The following GPC5 variants were observed in gnomAD, a reference collection of about 807,000 sequenced individuals.
GPC5 encodes the protein glypican-5.
GPC5 carries 47 observed loss-of-function variants against 53.9 expected under a neutral mutation model. The ratio of observed to expected loss-of-function variants is 0.87; its 90% CI spans 0.69 to 1.11. The LOEUF is 1.11. Ranked by LOEUF, GPC5 falls within the 50% of genes most tolerant of loss-of-function variation. GPC5 has a pLI of 0.00. For synonymous variants in GPC5, 286 were observed against 263.3 expected, an observed-to-expected ratio of 1.09 and a Z score of -0.84; for missense variants, 748 against 713.1, an observed-to-expected ratio of 1.05 and a Z score of -0.56.
Position 91,933,135 on chromosome 13 carries a change from G to A in GPC5, c.1401+25078G>A, listed in dbSNP as rs150752624. The stretch of plus-strand genomic sequence containing the variant: ...CTTTCAGAAATTCCTCATTATCAAC[G>A]GTCAAATCCAGATGGATTTTCTTTG... On this transcript the variant is annotated intron_variant, in intron 6 of 7. Coordinates refer to ENST00000377067, the MANE Select transcript of GPC5 (RefSeq NM_004466.6). Among the ~76,000 whole-genome samples the A allele has an allele frequency of 2.6e-3, 395 of 151,836 alleles. 1 individual carries two copies. Among genetic ancestry groups the A allele is most frequent in the African/African-American group, 9.1e-3 (375 of 41,428 alleles).
intron 7 of GPC5, among the ~76,000 whole-genome samples, chr13:92,642,729 T>G (rs538835797): frequency 6.6e-6 from 1 of 152,184 alleles, no homozygotes; most frequent in South Asian, 2.1e-4. Context: ...TGTAGAGCAG[T>G]GGGAGAAATA....
intron 7 of GPC5, among the ~76,000 whole-genome samples, chr13:92,788,219 T>C (rs528769764): frequency 2.0e-5 from 3 of 152,188 alleles, no homozygotes; most frequent in Non-Finnish European, 4.4e-5. Context: ...AATAGGAACA[T>C]GTCCATGTAT....
intron 7 of GPC5, among the ~76,000 whole-genome samples, chr13:92,664,521 G>T (rs539721020): frequency 2.0e-5 from 3 of 151,980 alleles, no homozygotes; most frequent in Admixed American, 2.0e-4. Flanking sequence ...AAATCATAGC[G>T]TATAGACAAC....
chr13:92,357,744 G>A (rs550929569), intron 7 of GPC5, among the ~76,000 whole-genome samples: 3 of 151,572 alleles, frequency 2.0e-5, no homozygotes, highest in African/African-American at 7.3e-5. Context: ...AGAGAGGAGA[G>A]GTGCTACCCA....
intron 2 of GPC5, among the ~76,000 whole-genome samples, chr13:91,615,748 C>T (rs1676850235): frequency 6.6e-6 from 1 of 152,122 alleles, no homozygotes; most frequent in African/African-American, 2.4e-5. Flanking sequence ...TGTCATTTCC[C>T]CTTTACTCAA....
intron 2 of GPC5, among the ~76,000 whole-genome samples, chr13:91,635,239 T>A (rs2034258254): frequency 6.6e-6 from 1 of 152,122 alleles, no homozygotes; most frequent in Non-Finnish European, 1.5e-5. Flanking sequence ...AGAAGCCTAA[T>A]ATAAACTCAT....
intron 5 of GPC5, among the ~76,000 whole-genome samples, chr13:91,861,772 T>C (rs1451103610): frequency 9.6e-6 from 1 of 103,910 alleles, no homozygotes; most frequent in Non-Finnish European, 2.2e-5. Context: ...TTCTCTTATT[T>C]TTGTTTAATT....
intron 5 of GPC5, among the ~76,000 whole-genome samples, chr13:91,816,220 C>T (rs773227133): frequency 1.3e-5 from 2 of 152,146 alleles, no homozygotes; most frequent in East Asian, 1.9e-4. Flanking sequence ...GTAAGCTCTT[C>T]GTGTGCAAGT....
intron 7 of GPC5, among the ~76,000 whole-genome samples, chr13:92,271,522 A>G (rs561635870): frequency 1.3e-5 from 2 of 152,336 alleles, no homozygotes; most frequent in East Asian, 3.9e-4. Flanking sequence ...GAGATTGGTG[A>G]CAAAGAATAC....
intron 2 of GPC5, among the ~76,000 whole-genome samples, chr13:91,594,224 A>C (rs1167377520): frequency 6.6e-6 from 1 of 152,196 alleles, no homozygotes; most frequent in East Asian, 1.9e-4. Flanking sequence ...GAGTATGATT[A>C]GTTTCTATGA....
rs189215853 is a variant in GPC5, at chr13:92,674,188, A to G, written c.1562-192094A>G. ...AGGAAAAGCTGACATTCTAACCTGG[A>G]GCTGCACATTCAAGCTTTGACACGT... On this transcript the variant is annotated intron_variant, in intron 7 of 7. Coordinates refer to ENST00000377067, the MANE Select transcript of GPC5 (RefSeq NM_004466.6). Among the ~76,000 whole-genome samples the G allele has an allele frequency of 4.6e-4, 70 of 152,242 alleles. 1 individual carries two copies. In the East Asian group the frequency reaches 0.013, roughly 28 times the overall value.
At chr13:91,930,577 T>A (rs1200404259) in intron 6 of GPC5, among the ~76,000 whole-genome samples, 1 of 152,034 alleles carries the variant, frequency 6.6e-6, no homozygotes, top group African/African-American at 2.4e-5. Context: ...TATTCAGCCT[T>A]TTTTGTCCTA....
intron 4 of GPC5, among the ~76,000 whole-genome samples, chr13:91,734,159 G>A (rs987014496): frequency 6.6e-6 from 1 of 151,204 alleles, no homozygotes; most frequent in Non-Finnish European, 1.5e-5. Context: ...AACCAGCCTT[G>A]CATCCCAGGG....
Position 92,101,267 on chromosome 13 carries a change from T to A in GPC5, c.1402-43563T>A, listed in dbSNP as rs530070076. Among the ~76,000 whole-genome samples the A allele has an allele frequency of 7.7e-4, 117 of 152,354 alleles. 1 individual carries two copies. Among genetic ancestry groups the A allele is most frequent in the African/African-American group, 2.8e-3 (115 of 41,588 alleles). On this transcript the variant is annotated intron_variant, in intron 6 of 7. Coordinates refer to ENST00000377067, the MANE Select transcript of GPC5 (RefSeq NM_004466.6). ...CCTGGGAGGGGAATTAAAATTTTAC[T>A]ACTTAATATGCAAAGCTACCAATAA...
chr13:92,748,523 A>G (rs1889299089), intron 7 of GPC5, among the ~76,000 whole-genome samples: 1 of 151,628 alleles, frequency 6.6e-6, no homozygotes, highest in Non-Finnish European at 1.5e-5. Context: ...GGGTTTCACC[A>G]TCTTGGCCAG....
At chr13:92,215,073 T>C (rs2042400366) in intron 7 of GPC5, among the ~76,000 whole-genome samples, 1 of 152,216 alleles carries the variant, frequency 6.6e-6, no homozygotes, top group South Asian at 2.1e-4. Flanking sequence ...TCAATTCATA[T>C]TGTTTCAAGC....
chr13:92,018,255 C>T (rs936624139), intron 6 of GPC5, among the ~76,000 whole-genome samples: 4 of 151,842 alleles, frequency 2.6e-5, no homozygotes, highest in African/African-American at 9.7e-5. Context: ...TAGTATATGC[C>T]TTGGATTCCA....
rs1566514982 is a variant in GPC5 at position 91,571,758 on chromosome 13, C to CGT, written c.326-121429_326-121428insGT. Among the ~76,000 whole-genome samples, 190 of 94,204 alleles carry CGT rather than the reference C, an allele frequency of 2.0e-3. 31 individuals are homozygous for CGT. The highest frequency in any genetic ancestry group is 0.011 in the African/African-American group (172 of 15,144). 61.8% of individuals were successfully genotyped at this position (94,204 alleles called of 152,430 possible). On this transcript the variant is annotated intron_variant, in intron 2 of 7. Transcript: ENST00000377067. ...ATATATGTATATATACACACATATA[C>CGT]ATGTGTATGTGTATATACACACACA...
intron 6 of GPC5, among the ~76,000 whole-genome samples, chr13:92,086,253 C>G (rs1184296645): frequency 6.6e-6 from 1 of 152,206 alleles, no homozygotes; most frequent in Non-Finnish European, 1.5e-5. Flanking sequence ...TCAAAGATGT[C>G]TATTTTCCAG....
Sources: gnomAD v4.1 joint callset for allele counts (sites outside exome capture counted in the v4.1 genomes callset) on GRCh38, gnomAD v4.1.1 for gene constraint, MANE v1.5 for transcripts, NCBI Gene and HGNC (gene_info 2026-07-23, HGNC 2026-07-21) for gene names.